Variants in PPP1R1A observed in about 807,000 individuals in gnomAD.
PPP1R1A encodes the protein protein phosphatase 1 regulatory subunit 1A.
Under a neutral mutation model 23.9 loss-of-function variants are expected in PPP1R1A, and 18 were observed. The observed-to-expected ratio is 0.75, with a 90% CI of 0.52 to 1.12. The LOEUF is 1.12. Among genes scored for constraint, PPP1R1A ranks in the 50% most tolerant of loss-of-function variants. The probability of loss-of-function intolerance (pLI) is 0.00; values close to 1 mark genes in which losing one functional copy is unlikely to be tolerated. For synonymous variants in PPP1R1A, 84 were observed against 80.7 expected (o/e 1.04, Z -0.22); for missense variants, 207 against 223.8 (o/e 0.92, Z 0.48).
rs1010314825 is a variant in PPP1R1A, at chr12:54,579,926, G to C, written c.*461C>G. ...CCACCGCACAGTCACAGCTGGACAC[G>C]GCACAGGCCTTAGAGCGCCGAGTCT... On this transcript the variant is annotated 3_prime_UTR_variant, in exon 7 of 7. Coordinates refer to ENST00000257905, the MANE Select transcript of PPP1R1A (RefSeq NM_006741.4). 2.8e-5 allele frequency: 28 copies of C among 988,718 alleles called. No individual in the cohort carries two copies. Among genetic ancestry groups the C allele is most frequent in the Non-Finnish European group, 3.4e-5 (28 of 832,030 alleles). The allele number at this position is 988,718 out of a possible 1,614,324, so 61.2% of individuals were successfully genotyped here.
At chr12:54,584,357 C>G in intron 1 of PPP1R1A, 37 bp from the exon 2 acceptor site, 1 of 1,533,900 alleles carries the variant, frequency 6.5e-7, no homozygotes, top group Non-Finnish European at 8.9e-7. Flanking sequence ...AGGTCAAGTA[C>G]ACGTGGAAGC....
intron 4 of PPP1R1A, 77 bp downstream of exon 4, chr12:54,582,651 ACCTC>A: frequency 2.0e-6 from 3 of 1,498,212 alleles, no homozygotes; most frequent in Non-Finnish European, 2.8e-6. Context: ...AGATTTAACG[ACCTC>A]CCTTCCAAAG....
chr12:54,582,194 C>G, intron 4 of PPP1R1A, 63 bp from the exon 5 acceptor site: 1 of 1,497,464 alleles, frequency 6.7e-7, no homozygotes, highest in Admixed American at 2.2e-5. Flanking sequence ...CCCTGTGGGC[C>G]TCCGGATTCA....
At position 54,580,399 on chromosome 12, in the gene PPP1R1A, T is replaced by C. The variant is rs566313728; in HGVS notation, c.511-7A>G. 3.1e-6 allele frequency: 5 copies of C among 1,612,370 alleles called. No individual in the cohort carries two copies. In the South Asian group the frequency reaches 3.3e-5, roughly 11 times the overall value. On this transcript the variant is annotated splice_polypyrimidine_tract_variant and splice_region_variant and intron_variant, in intron 6 of 6. Coordinates refer to ENST00000257905, the MANE Select transcript of PPP1R1A (RefSeq NM_006741.4). Reference sequence around the variant, plus strand: ...ACCTCCTCCTCTCTCAGACCTGTTATGGGGGAAAGGGGACAGAAAGAGAAG... The same window carrying C: ...ACCTCCTCCTCTCTCAGACCTGTTACGGGGGAAAGGGGACAGAAAGAGAAG...
intron 1 of PPP1R1A, among the ~76,000 whole-genome samples, chr12:54,585,390 C>T (rs988530000): frequency 1.4e-4 from 21 of 152,140 alleles, no homozygotes; most frequent in African/African-American, 3.9e-4. Context: ...AGCCCCCTTT[C>T]CCCCCACTGT....
In PPP1R1A at chr12:54,580,012, T is replaced by TG. The variant is rs1957839358; in HGVS notation, c.*374dup. On this transcript the variant is annotated 3_prime_UTR_variant, in exon 7 of 7. Transcript: ENST00000257905. ...CGTTCCTCAATAAGAAAAGAGAACC[T>TG]GGGGCTTTTCTTCCTTCTTGGCACC... The TG allele has an allele frequency of 9.9e-7, 1 of 1,012,044 alleles. No individual in the cohort carries two copies. Among genetic ancestry groups the TG allele is most frequent in the Non-Finnish European group, 1.2e-6 (1 of 846,224 alleles). The allele number at this position is 1,012,044 out of a possible 1,614,324, so 62.7% of individuals were successfully genotyped here. A position where few individuals can be genotyped will look rare whatever the true frequency, so the allele number is the denominator to read the frequency against.
chr12:54,583,385 C>T, intron 2 of PPP1R1A, 137 bp from the exon 3 acceptor site: 1 of 815,900 alleles, frequency 1.2e-6, no homozygotes, highest in Non-Finnish European at 1.7e-6. Flanking sequence ...AGGCTCTTGG[C>T]CCTCATGGCT....
chr12:54,582,564 G>A (rs1323938779), intron 4 of PPP1R1A, among the ~76,000 whole-genome samples, 168 bp downstream of exon 4: 1 of 152,176 alleles, frequency 6.6e-6, no homozygotes, highest in Non-Finnish European at 1.5e-5. Context: ...GTTTCTCCCA[G>A]ATCACCCAGC....
In PPP1R1A at chr12:54,580,377, T is replaced by C. The variant is rs1428060030; in HGVS notation, c.*10A>G. 1 of 1,613,430 alleles carries C rather than the reference T, an allele frequency of 6.2e-7. No individual in the cohort carries two copies. The highest frequency in any genetic ancestry group is 1.1e-5 in the South Asian group (1 of 90,978). Reference sequence around the variant, plus strand: ...ACTGCAGTCTTGATCCCAAGATACCTCCTCCTCTCTCAGACCTGTTATGGG... The same window carrying C: ...ACTGCAGTCTTGATCCCAAGATACCCCCTCCTCTCTCAGACCTGTTATGGG... On this transcript the variant is annotated 3_prime_UTR_variant, in exon 7 of 7. Transcript: ENST00000257905.
At chr12:54,588,256 A>ACCCCCCCC (rs142801029) in intron 1 of PPP1R1A, 149 bp downstream of exon 1, 327 of 181,544 alleles carry the variant, frequency 1.8e-3, no homozygotes, top group South Asian at 5.0e-3. Flanking sequence ...GGGACAGAAG[A>ACCCCCCCC]CCCCCCCCCG....
Position 54,583,196 on chromosome 12 carries a change from G to T in PPP1R1A, c.183+15C>A. The T allele has an allele frequency of 6.4e-7, 1 of 1,556,082 alleles. No individual in the cohort carries two copies. The highest frequency in any genetic ancestry group is 1.2e-5 in the South Asian group (1 of 80,700). ...GGGTTTTTTGGGCTGGGCTTAGTGG[G>T]ATGGGCCAGCTCACCTTGAGATGTG... On this transcript the variant is annotated intron_variant, in intron 3 of 6. Transcript: ENST00000257905.
At chr12:54,588,111 C>T (rs1957928017) in intron 1 of PPP1R1A, among the ~76,000 whole-genome samples, 1 of 152,028 alleles carries the variant, frequency 6.6e-6, no homozygotes, top group African/African-American at 2.4e-5. Context: ...GTCGTGTCCT[C>T]AAGCAGGCCC....
chr12:54,584,440 A>T, intron 1 of PPP1R1A, 120 bp from the exon 2 acceptor site: 1 of 928,990 alleles, frequency 1.1e-6, no homozygotes, highest in East Asian at 2.7e-5. Flanking sequence ...AAAAAATGCC[A>T]TGTTAATGCA....
chr12:54,585,108 A>G (rs1957896767), intron 1 of PPP1R1A, among the ~76,000 whole-genome samples: 1 of 152,200 alleles, frequency 6.6e-6, no homozygotes, highest in Non-Finnish European at 1.5e-5. Context: ...GCCTGGGAGG[A>G]CAGCACAGAG....
chr12:54,584,162 C>T, intron 2 of PPP1R1A, 98 bp downstream of exon 2: 1 of 1,237,626 alleles, frequency 8.1e-7, no homozygotes, highest in African/African-American at 1.5e-5. Context: ...TCCCCGCCTT[C>T]TCAGAGCTGT....
Position 54,580,169 on chromosome 12 carries a change from C to A in PPP1R1A, c.*218G>T. On this transcript the variant is annotated 3_prime_UTR_variant, in exon 7 of 7. Coordinates refer to ENST00000257905, the MANE Select transcript of PPP1R1A (RefSeq NM_006741.4). ...CCTGTTTCTTCCTTCCCAGAGGCAG[C>A]TTGGCAGGAGGGTGGGGGCTACAGA... The A allele has an allele frequency of 7.4e-7, 1 of 1,354,260 alleles. No homozygotes were observed. Among genetic ancestry groups the A allele is most frequent in the Non-Finnish European group, 9.5e-7 (1 of 1,049,962 alleles). The allele number at this position is 1,354,260 out of a possible 1,614,324, so 83.9% of individuals were successfully genotyped here.
At chr12:54,583,101 G>A (rs1957873812) in intron 3 of PPP1R1A, 110 bp downstream of exon 3, 2 of 1,200,562 alleles carry the variant, frequency 1.7e-6, no homozygotes, top group Non-Finnish European at 2.3e-6. Flanking sequence ...GAGGTACAGG[G>A]AAGCGGGAGT....
rs554987493 is a variant in PPP1R1A, at chr12:54,579,869, G to A, written c.*518C>T. On this transcript the variant is annotated 3_prime_UTR_variant, in exon 7 of 7. Transcript: ENST00000257905. ...TCTTTCCCATGGGCCAAGTGCCATG[G>A]TGCAGTTCCCCTTTTGTCCAGCAGA... 5.1e-6 allele frequency: 5 copies of A among 986,296 alleles called. No individual in the cohort carries two copies. In the South Asian group the frequency reaches 1.9e-4, roughly 37 times the overall value. The allele number at this position is 986,296 out of a possible 1,614,324, so 61.1% of individuals were successfully genotyped here.
At chr12:54,583,927 C>G (rs891488396) in intron 2 of PPP1R1A, among the ~76,000 whole-genome samples, 7 of 152,048 alleles carry the variant, frequency 4.6e-5, no homozygotes, top group Non-Finnish European at 1.0e-4. Context: ...CCCTCCCCCT[C>G]ACAGCTGACA....
Sources: gnomAD v4.1 joint callset for allele counts (sites outside exome capture counted in the v4.1 genomes callset) on GRCh38, gnomAD v4.1.1 for gene constraint, MANE v1.5 for transcripts, NCBI Gene and HGNC (gene_info 2026-07-23, HGNC 2026-07-21) for gene names.